The following NCAPG variants were observed in gnomAD, a reference collection of about 807,000 sequenced individuals.
NCAPG encodes non-SMC condensin I complex subunit G.
NCAPG carries 69 observed loss-of-function variants against 113.1 expected under a neutral mutation model. The ratio of observed to expected loss-of-function variants is 0.61; its 90% CI spans 0.50 to 0.75. The LOEUF is 0.75. Among genes scored for constraint, NCAPG ranks in the 30% least tolerant of loss-of-function variants. The probability of loss-of-function intolerance (pLI) is 0.00; values close to 1 mark genes in which losing one functional copy is unlikely to be tolerated. For missense variants in NCAPG, 1,058 were observed against 1,177.0 expected (o/e 0.90, Z 1.48); for synonymous variants, 370 against 415.8 (o/e 0.89, Z 1.34).
At position 17,815,222 on chromosome 4, in the gene NCAPG, A is replaced by C. The variant is rs1721153736; in HGVS notation, c.691-52A>C. On this transcript the variant is annotated intron_variant, in intron 4 of 20. Coordinates refer to ENST00000251496, the MANE Select transcript of NCAPG (RefSeq NM_022346.5). The stretch of plus-strand genomic sequence containing the variant: ...TTCTAAGATGGTGATATTCTTATGA[A>C]ATCTATAAATTGTGTTGAGGTTAAT... 3.1e-5 allele frequency: 46 copies of C among 1,467,722 alleles called. No individual in the cohort carries two copies. The South Asian group carries it at 3.9e-4, about 12-fold the overall frequency. The allele number at this position is 1,467,722 out of a possible 1,614,324, so 90.9% of individuals were successfully genotyped here. A position where few individuals can be genotyped will look rare whatever the true frequency, so the allele number is the denominator to read the frequency against.
In NCAPG at chr4:17,812,958, C is replaced by T. The variant is rs1269053700; in HGVS notation, c.357C>T (p.Cys119=). 5 of 1,613,884 alleles carry T rather than the reference C, an allele frequency of 3.1e-6. No individual in the cohort carries two copies. Among genetic ancestry groups the T allele is most frequent in the Non-Finnish European group, 4.2e-6 (5 of 1,179,900 alleles). ...ANSNAVRFRV[C]LLINKLLGSM... is the part of the protein sequence containing the mutation. ...GCAATGCAGTGAGATTTAGAGTGTGCCTGCTCATAAACAAGCTTTTGGGAA... is the reference window on the plus strand; with the variant it reads ...GCAATGCAGTGAGATTTAGAGTGTGTCTGCTCATAAACAAGCTTTTGGGAA... The change falls in exon 3 of 21, where the codon TGC becomes TGT. Residue 119 remains cysteine, a synonymous_variant. Transcript: ENST00000251496.
In NCAPG at chr4:17,834,284, A is replaced by T. The variant is rs189633472; in HGVS notation, c.1885-15A>T. 5.2e-5 allele frequency: 79 copies of T among 1,518,710 alleles called. No individual in the cohort carries two copies. Among genetic ancestry groups the T allele is most frequent in the Admixed American group, 4.2e-4 (21 of 49,558 alleles). 94.1% of individuals were successfully genotyped at this position (1,518,710 alleles called of 1,614,324 possible). ...ACTGAATTTACTTTTTTTGGTGGGG[A>T]ATATCTTGATTTAGGTTTTGCAAAT... is the stretch of plus-strand genomic sequence containing the variant. On this transcript the variant is annotated splice_polypyrimidine_tract_variant and intron_variant, in intron 13 of 20. Coordinates refer to ENST00000251496, the MANE Select transcript of NCAPG (RefSeq NM_022346.5).
chr4:17,820,399 A>C lies in NCAPG; in HGVS notation c.1118+2311A>C, dbSNP rs374069152. On this transcript the variant is annotated intron_variant, in intron 7 of 20. Transcript: ENST00000251496. ...GGTGGATCACGAGGTCAGGAGATCG[A>C]GACCATCCTAGCCAACATAGTGAAA... Among the ~76,000 whole-genome samples, 283 of 152,232 alleles carry C rather than the reference A, an allele frequency of 1.9e-3. 15 individuals carry two copies. In the South Asian group the frequency reaches 0.057, roughly 30 times the overall value.
rs796955505 is a variant in NCAPG, at chr4:17,833,467, A to AT, written c.1885-832_1885-831insT. ...GAGTGACACTCCATCTCAAAAAAAA[A>AT]AAATATATATATATATTTTTGTTGT... On this transcript the variant is annotated intron_variant, in intron 13 of 20. Coordinates refer to ENST00000251496, the MANE Select transcript of NCAPG (RefSeq NM_022346.5). 6.4e-3 allele frequency among the ~76,000 whole-genome samples: 862 copies of AT among 135,392 alleles called. 11 individuals are homozygous for AT. Among genetic ancestry groups the AT allele is most frequent in the Middle Eastern group, 0.018 (5 of 276 alleles). The allele number at this position is 135,392 out of a possible 152,430, so 88.8% of individuals were successfully genotyped here.
rs1722512109 is a variant in NCAPG at position 17,842,523 on chromosome 4, C to G, written c.2924+144C>G. ...TAAATAGCTGTCTTAGGTATATAGT[C>G]TAAAATTCCATCATCAAGAGCATTT... On this transcript the variant is annotated intron_variant, in intron 20 of 20. Transcript: ENST00000251496. 2.2e-5 allele frequency: 14 copies of G among 647,304 alleles called. No individual in the cohort carries two copies. The South Asian group carries it at 2.9e-4, about 13-fold the overall frequency. 40.1% of individuals were successfully genotyped at this position (647,304 alleles called of 1,614,324 possible).
At chr4:17,840,766 C>T (rs1577214070) in intron 19 of NCAPG, 73 bp downstream of exon 19, 2 of 980,662 alleles carry the variant, frequency 2.0e-6, no homozygotes, top group South Asian at 2.8e-5. Context: ...ACTTGTTTTG[C>T]AAGTTTTCTT....
intron 19 of NCAPG, among the ~76,000 whole-genome samples, chr4:17,840,982 G>A (rs1722346534): frequency 1.3e-5 from 2 of 151,704 alleles, no homozygotes; most frequent in Non-Finnish European, 3.0e-5. Flanking sequence ...GTTAAATGAT[G>A]GTTTTATATT....
chr4:17,834,858 CTTAA>C (rs1447400212), intron 14 of NCAPG, among the ~76,000 whole-genome samples: 4 of 151,970 alleles, frequency 2.6e-5, no homozygotes, highest in Non-Finnish European at 5.9e-5. Flanking sequence ...TTTTAAATAT[CTTAA>C]TTAAATCCTA....
chr4:17,830,466 T>C (rs1721820598), intron 12 of NCAPG, among the ~76,000 whole-genome samples: 1 of 151,934 alleles, frequency 6.6e-6, no homozygotes, highest in Admixed American at 6.6e-5. Context: ...GAAGGTAACT[T>C]ATCTTGTTAA....
intron 8 of NCAPG, 98 bp downstream of exon 8, chr4:17,823,221 C>A: frequency 8.4e-7 from 1 of 1,191,160 alleles, no homozygotes; most frequent in Non-Finnish European, 1.2e-6. Flanking sequence ...TTTACCCTAG[C>A]TCTCTAAAGT....
At chr4:17,822,748 A>C (rs988196884) in intron 7 of NCAPG, among the ~76,000 whole-genome samples, 2 of 152,166 alleles carry the variant, frequency 1.3e-5, no homozygotes, top group Admixed American at 6.5e-5. Context: ...TCCCATAGAA[A>C]ATTTGAGTCA....
At position 17,825,500 on chromosome 4, in the gene NCAPG, C is replaced by T. The variant is rs756206835; in HGVS notation, c.1592C>T (p.Ala531Val). The T allele has an allele frequency of 1.9e-6, 3 of 1,607,860 alleles. No individual in the cohort carries two copies. The highest frequency in any genetic ancestry group is 2.2e-5 in the South Asian group (2 of 90,102). The change falls in exon 11 of 21, where the codon GCC becomes GTC. Residue 531 changes from alanine to valine, a missense_variant. Physicochemically the swap from Ala to Val is moderately conservative, Grantham distance 64. Coordinates refer to ENST00000251496, the MANE Select transcript of NCAPG (RefSeq NM_022346.5). ...GAAGAAATAAAAGCATTAGAAGATG[C>T]CAGAATAAACCTTTTGAAAGAGACA... ...LKEEIKALED[A>V]RINLLKETEQ...
At chr4:17,828,694 A>G (rs928452274) in intron 12 of NCAPG, among the ~76,000 whole-genome samples, 7 of 152,146 alleles carry the variant, frequency 4.6e-5, no homozygotes, top group Non-Finnish European at 1.0e-4. Context: ...CATACCAAGA[A>G]TATTTAAGTA....
chr4:17,814,769 TA>T, intron 3 of NCAPG, 83 bp from the exon 4 acceptor site: 1 of 1,437,320 alleles, frequency 7.0e-7, no homozygotes, highest in Non-Finnish European at 9.6e-7. Flanking sequence ...AAAGGCATTT[TA>T]AAATATCAAA....
chr4:17,829,679 T>C (rs891823277), intron 12 of NCAPG, among the ~76,000 whole-genome samples: 13 of 152,262 alleles, frequency 8.5e-5, no homozygotes, highest in Non-Finnish European at 1.5e-4. Flanking sequence ...ATAAAAGTTA[T>C]ATTTTTATGA....
Position 17,843,441 on chromosome 4 carries a change from T to G in NCAPG, c.*16T>G. 2 of 1,609,396 alleles carry G rather than the reference T, an allele frequency of 1.2e-6. No individual in the cohort carries two copies. The highest frequency in any genetic ancestry group is 1.7e-6 in the Non-Finnish European group (2 of 1,176,712). ...TCTAAGTTAGGAAAGACGATGGAGG[T>G]GGAATCCTTTAAGATTATGTCCAGT... On this transcript the variant is annotated 3_prime_UTR_variant, in exon 21 of 21. Transcript: ENST00000251496.
At chr4:17,831,202 T>A in intron 13 of NCAPG, 86 bp downstream of exon 13, 1 of 1,300,254 alleles carries the variant, frequency 7.7e-7, no homozygotes, top group Non-Finnish European at 1.1e-6. Flanking sequence ...TTATCTATTC[T>A]GATTCTTATT....
In NCAPG at chr4:17,823,786, CATT is replaced by C. The variant is rs759581575; in HGVS notation, c.1383+17_1383+19del. On this transcript the variant is annotated intron_variant, in intron 9 of 20. Transcript: ENST00000251496. ...AACACAAATTGTAAGTAATTTTCCT[CATT>C]GTTGATAAAGAGGTTTTGGTCAATG... 1.3e-6 allele frequency: 2 copies of C among 1,580,454 alleles called. No individual in the cohort carries two copies. The highest frequency in any genetic ancestry group is 1.7e-5 in the Admixed American group (1 of 57,458).
chr4:17,815,062 T>C (rs1358549677), intron 4 of NCAPG, 64 bp downstream of exon 4: 5 of 1,582,964 alleles, frequency 3.2e-6, no homozygotes, highest in Non-Finnish European at 4.3e-6. Flanking sequence ...TTTCTTAAAG[T>C]GCCTTTGAAA....
Sources: allele counts gnomAD v4.1 joint callset (sites outside exome capture counted in the v4.1 genomes callset), GRCh38; gene constraint gnomAD v4.1.1; transcripts MANE v1.5; gene names NCBI Gene and HGNC (gene_info 2026-07-23, HGNC 2026-07-21).